Variants in ANK3 observed in about 807,000 individuals in gnomAD.
The protein encoded by ANK3 is ankyrin 3.
A neutral mutation model predicts 370.9 loss-of-function variants in ANK3; 57 were observed. That is an observed-to-expected ratio of 0.15 (90% confidence interval 0.12 to 0.19). The LOEUF is 0.19. Ranked by LOEUF, ANK3 falls within the 10% of genes least tolerant of loss-of-function variation. The pLI, the probability that ANK3 is intolerant of heterozygous loss-of-function variation, is 1.00. For synonymous variants in ANK3, 1,929 were observed against 1,946.3 expected (o/e 0.99, Z 0.23); for missense variants, 4,439 against 5,302.1 (o/e 0.84, Z 5.06).
intron 1 of ANK3, among the ~76,000 whole-genome samples, chr10:60,713,077 T>C (rs1285040481): frequency 6.6e-6 from 1 of 152,170 alleles, no homozygotes; most frequent in African/African-American, 2.4e-5. Context: ...AAGGACATAG[T>C]TGAAGTAAAA....
intron 42 of ANK3, among the ~76,000 whole-genome samples, chr10:60,047,123 A>G (rs2077103714): frequency 6.6e-6 from 1 of 152,130 alleles, no homozygotes; most frequent in Non-Finnish European, 1.5e-5. Flanking sequence ...AGGTTTTTAA[A>G]GTTCTTGAAA....
intron 2 of ANK3, among the ~76,000 whole-genome samples, chr10:60,611,371 G>T (rs1244088434): frequency 6.6e-6 from 1 of 152,144 alleles, no homozygotes; most frequent in Non-Finnish European, 1.5e-5. Flanking sequence ...CAGTCAGAGT[G>T]CTCGCACTTC....
chr10:60,032,191 C>CTTTTT (rs1564505236), intron 43 of ANK3, among the ~76,000 whole-genome samples: 17 of 57,918 alleles, frequency 2.9e-4, no homozygotes, highest in African/African-American at 1.0e-3. Flanking sequence ...AAATACACAG[C>CTTTTT]TTCTTTTTTT....
rs74155649 is a variant in ANK3, at chr10:60,663,114, G to A, written c.58-47890C>T. ...CCCAAAATGAGCAATTCACATAAAA[G>A]TAATGTGCTAGCTATGCAAAGAACA... On this transcript the variant is annotated intron_variant, in intron 1 of 43. Coordinates refer to the ANK3 transcript ENST00000373827. Among the ~76,000 whole-genome samples the A allele has an allele frequency of 9.1e-3, 1,391 of 152,284 alleles. 15 individuals are homozygous for A. Among genetic ancestry groups the A allele is most frequent in the African/African-American group, 0.031 (1,282 of 41,566 alleles).
At chr10:60,125,261 T>C (rs1435742582) in intron 25 of ANK3, among the ~76,000 whole-genome samples, 1 of 152,200 alleles carries the variant, frequency 6.6e-6, no homozygotes, top group Non-Finnish European at 1.5e-5. Context: ...AATTTCCGAA[T>C]TGGATTGATT....
At chr10:60,354,109 T>A (rs928177769) in intron 1 of ANK3, among the ~76,000 whole-genome samples, 1 of 152,236 alleles carries the variant, frequency 6.6e-6, no homozygotes, top group East Asian at 1.9e-4. Context: ...TCAGCTAGAC[T>A]TGACCACTGA....
intron 23 of ANK3, among the ~76,000 whole-genome samples, chr10:60,157,246 AG>A (rs2095359891): frequency 6.6e-6 from 1 of 151,792 alleles, no homozygotes; most frequent in Non-Finnish European, 1.5e-5. Context: ...CATGTTGGTC[AG>A]GCTGGTCTCG....
intron 41 of ANK3, among the ~76,000 whole-genome samples, chr10:60,058,758 C>A (rs547017858): frequency 1.3e-5 from 2 of 152,076 alleles, no homozygotes; most frequent in Non-Finnish European, 2.9e-5. Context: ...ATTCATTATT[C>A]TTCTTATGTT....
At chr10:60,181,483 G>T (rs1027153977) in intron 17 of ANK3, 56 bp from the exon 18 acceptor site, 115 of 1,488,522 alleles carry the variant, frequency 7.7e-5, no homozygotes, top group Non-Finnish European at 1.0e-4. Flanking sequence ...CACACACATA[G>T]CCATGTTTGA....
chr10:60,198,704 G>T (rs894390517), intron 13 of ANK3, among the ~76,000 whole-genome samples, 167 bp from the exon 14 acceptor site: 1 of 152,160 alleles, frequency 6.6e-6, no homozygotes, highest in East Asian at 1.9e-4. Context: ...GAAATGAGGA[G>T]ATGGTAGCTC....
intron 2 of ANK3, among the ~76,000 whole-genome samples, chr10:60,422,817 T>A (rs925168756): frequency 6.6e-6 from 1 of 152,096 alleles, no homozygotes; most frequent in African/African-American, 2.4e-5. Context: ...ACTAATGAAA[T>A]AGAAAGCTCA....
intron 7 of ANK3, among the ~76,000 whole-genome samples, chr10:60,238,946 G>A (rs888085378): frequency 2.0e-5 from 3 of 152,018 alleles, no homozygotes; most frequent in African/African-American, 7.2e-5. Flanking sequence ...AAAGGCATGG[G>A]ATTCTTAGCA....
At chr10:60,595,101 A>G (rs2077968668) in intron 2 of ANK3, among the ~76,000 whole-genome samples, 1 of 152,196 alleles carries the variant, frequency 6.6e-6, no homozygotes, top group South Asian at 2.1e-4. Flanking sequence ...AAGTCCCTGG[A>G]AAATCTATTT....
intron 1 of ANK3, among the ~76,000 whole-genome samples, chr10:60,709,068 C>T (rs201075643): frequency 6.6e-6 from 1 of 151,948 alleles, no homozygotes; most frequent in Non-Finnish European, 1.5e-5. Flanking sequence ...GTCTGGCTAT[C>T]AAAAACAAAA....
At chr10:60,064,134 A>T in intron 39 of ANK3, 23 bp downstream of exon 39, 1 of 1,541,552 alleles carries the variant, frequency 6.5e-7, no homozygotes, top group African/African-American at 1.4e-5. Context: ...TTTGAAAGTT[A>T]AAATAATATA....
At chr10:60,599,372 A>T (rs10994423) in intron 2 of ANK3, among the ~76,000 whole-genome samples, 22,740 of 152,174 alleles carry the variant, frequency 0.15, 2,154 homozygotes, top group South Asian at 0.27. Flanking sequence ...CTAGTGTGTT[A>T]ATGTGGATAT....
At chr10:60,262,924 G>A (rs892733468) in intron 6 of ANK3, among the ~76,000 whole-genome samples, 1 of 152,168 alleles carries the variant, frequency 6.6e-6, no homozygotes, top group Non-Finnish European at 1.5e-5. Context: ...AGGTTCAGCT[G>A]CAGAAAGCCC....
chr10:60,421,295 T>C (rs1290038223), intron 2 of ANK3, among the ~76,000 whole-genome samples: 2 of 152,076 alleles, frequency 1.3e-5, no homozygotes, highest in Admixed American at 6.6e-5. Context: ...TGCCAGTGAA[T>C]TGTGTACTTA....
chr10:60,043,644 G>A (rs2076484613), intron 42 of ANK3: 5 of 985,422 alleles, frequency 5.1e-6, no homozygotes, highest in Non-Finnish European at 6.0e-6. Context: ...GATCCGATGT[G>A]CAGATCTTGA....
Sources: gnomAD v4.1 joint callset for allele counts (sites outside exome capture counted in the v4.1 genomes callset) on GRCh38, gnomAD v4.1.1 for gene constraint, MANE v1.5 for transcripts, NCBI Gene and HGNC (gene_info 2026-07-23, HGNC 2026-07-21) for gene names.